SEL1L2: variants seen among roughly 807,000 people sequenced by gnomAD.
SEL1L2 encodes protein sel-1 homolog 2.
Under a neutral mutation model 98.8 loss-of-function variants are expected in SEL1L2, and 89 were observed. The observed-to-expected ratio is 0.90, with a 90% CI of 0.76 to 1.07. SEL1L2 has a LOEUF of 1.07. SEL1L2 is among the 50% of genes least tolerant of loss of function. The pLI is 0.00. For synonymous variants in SEL1L2, 262 were observed against 278.5 expected (o/e 0.94, Z 0.59); for missense variants, 788 against 812.0 (o/e 0.97, Z 0.36).
chr20:13,865,831 CTGTG>C (rs11467978), intron 15 of SEL1L2, among the ~76,000 whole-genome samples: 48,505 of 149,740 alleles, frequency 0.32, 7,939 homozygotes, highest in Middle Eastern at 0.51. Context: ...GTGTGTGTGT[CTGTG>C]TGTGTGTGTG....
chr20:13,944,322 A>G (rs1360152088), intron 2 of SEL1L2, among the ~76,000 whole-genome samples: 1 of 152,342 alleles, frequency 6.6e-6, no homozygotes, highest in Middle Eastern at 3.4e-3. Flanking sequence ...CGTGAGGTGA[A>G]TAGGCTGCAA....
At chr20:13,991,755 G>A (rs888903767), upstream of SEL1L2, among the ~76,000 whole-genome samples, 1 of 152,150 alleles carries the variant, frequency 6.6e-6, no homozygotes, top group African/African-American at 2.4e-5. Flanking sequence ...CACTTTGGGA[G>A]CCTAAGGCAG....
intron 5 of SEL1L2, among the ~76,000 whole-genome samples, chr20:13,899,094 CACTA>C (rs1448552397): frequency 4.6e-5 from 7 of 152,152 alleles, no homozygotes; most frequent in African/African-American, 1.2e-4. Context: ...TGCCATGTGA[CACTA>C]ACCCATTGTT....
At chr20:13,897,893 A>C (rs2047489786) in intron 5 of SEL1L2, among the ~76,000 whole-genome samples, 1 of 149,612 alleles carries the variant, frequency 6.7e-6, no homozygotes, top group Admixed American at 6.7e-5. Flanking sequence ...AACAAAAAAA[A>C]ACCCCACAAT....
intron 12 of SEL1L2, among the ~76,000 whole-genome samples, chr20:13,872,344 C>T (rs753239749): frequency 4.6e-5 from 7 of 152,156 alleles, no homozygotes; most frequent in African/African-American, 9.7e-5. Flanking sequence ...CGGTTACCCC[C>T]GTGCTGCTGT....
At chr20:13,972,206 G>A (rs1181034849) in intron 1 of SEL1L2, among the ~76,000 whole-genome samples, 1 of 152,132 alleles carries the variant, frequency 6.6e-6, no homozygotes, top group East Asian at 1.9e-4. Flanking sequence ...ATTTACAATT[G>A]ATTGGAAATG....
intron 12 of SEL1L2, among the ~76,000 whole-genome samples, chr20:13,873,135 C>T (rs969120162): frequency 4.0e-5 from 6 of 151,400 alleles, no homozygotes; most frequent in Non-Finnish European, 7.4e-5. Flanking sequence ...GGATTACAGG[C>T]ATGCACCCCC....
chr20:13,870,922 C>CAAAAAAAA (rs534578783), intron 12 of SEL1L2, among the ~76,000 whole-genome samples: 15 of 53,146 alleles, frequency 2.8e-4, no homozygotes, highest in East Asian at 1.1e-3. Context: ...AACTCCATCT[C>CAAAAAAAA]AAAAAAAAAA....
intron 3 of SEL1L2, among the ~76,000 whole-genome samples, chr20:13,926,689 G>A (rs1019828075): frequency 1.3e-5 from 2 of 152,216 alleles, no homozygotes; most frequent in African/African-American, 4.8e-5. Flanking sequence ...GTTCCTCGTT[G>A]AAGGGGGTCT....
intron 14 of SEL1L2, 136 bp downstream of exon 14, chr20:13,869,367 A>T: frequency 1.5e-6 from 1 of 678,344 alleles, no homozygotes; most frequent in Non-Finnish European, 2.6e-6. Context: ...AGGCTTTTTC[A>T]AATTCTTATT....
intron 5 of SEL1L2, among the ~76,000 whole-genome samples, chr20:13,892,244 G>A (rs1330988429): frequency 1.3e-5 from 2 of 152,124 alleles, no homozygotes; most frequent in African/African-American, 2.4e-5. Context: ...GAGGTCAGGA[G>A]CTTAAAATCA....
chr20:13,938,057 G>A (rs1207330161), intron 2 of SEL1L2, among the ~76,000 whole-genome samples: 1 of 151,358 alleles, frequency 6.6e-6, no homozygotes, highest in East Asian at 1.9e-4. Context: ...CTGGGAGGCA[G>A]AAAACCGTTT....
intron 5 of SEL1L2, among the ~76,000 whole-genome samples, chr20:13,903,969 G>A (rs2047804187): frequency 1.3e-5 from 2 of 152,128 alleles, no homozygotes; most frequent in African/African-American, 4.8e-5. Context: ...TCTAGTTCAT[G>A]AGAACATCAT....
rs1988019853 is a variant in SEL1L2 at position 13,850,280 on chromosome 20, G to C, written c.1858C>G (p.Gln620Glu). Reference protein sequence around the residue: ...LARRLYDMAAQTSPDAHIPVL... With the variant: ...LARRLYDMAAETSPDAHIPVL... ...GGTATGTGGGCATCTGGACTCGTTT[G>C]AGCAGCCATGTCGTACAATCTTCTG... The change falls in exon 19 of 20, where the codon CAA (glutamine) becomes GAA (glutamate). Residue 620 changes from glutamine (Q) to glutamate (E), a missense_variant. By Grantham distance (29) the Gln-to-Glu change is conservative. Transcript: ENST00000284951. 2.5e-6 allele frequency: 4 copies of C among 1,614,080 alleles called. No individual in the cohort carries two copies. In the East Asian group the frequency reaches 8.9e-5, roughly 36 times the overall value.
intron 4 of SEL1L2, among the ~76,000 whole-genome samples, chr20:13,916,631 C>G (rs2148209525): frequency 6.6e-6 from 1 of 152,228 alleles, no homozygotes; most frequent in South Asian, 2.1e-4. Flanking sequence ...CATGGCGAAA[C>G]CCTGTCTCTA....
At chr20:13,964,968 C>A (rs183627241) in intron 1 of SEL1L2, among the ~76,000 whole-genome samples, 1 of 152,170 alleles carries the variant, frequency 6.6e-6, no homozygotes, top group African/African-American at 2.4e-5. Context: ...TCCTTCTAAC[C>A]CCCTATTTGA....
chr20:13,982,470 C>A (rs2051876207), intron 1 of SEL1L2, among the ~76,000 whole-genome samples: 1 of 142,178 alleles, frequency 7.0e-6, no homozygotes. Context: ...GTGATCGTGC[C>A]ACTGCACTCC....
chr20:13,947,001 A>G (rs1430427094), intron 2 of SEL1L2, among the ~76,000 whole-genome samples: 3 of 152,116 alleles, frequency 2.0e-5, no homozygotes, highest in African/African-American at 7.2e-5. Flanking sequence ...CTCCACATGA[A>G]CAGCCTGGGG....
chr20:13,862,948 C>T (rs1325254074), intron 17 of SEL1L2, among the ~76,000 whole-genome samples: 5 of 152,088 alleles, frequency 3.3e-5, no homozygotes, highest in African/African-American at 9.7e-5. Context: ...TCTCCCACCT[C>T]GGTCTCCCAA....
Sources: gnomAD v4.1 joint callset for allele counts (sites outside exome capture counted in the v4.1 genomes callset) on GRCh38, gnomAD v4.1.1 for gene constraint, MANE v1.5 for transcripts, NCBI Gene and HGNC (gene_info 2026-07-23, HGNC 2026-07-21) for gene names.